The following MACROD2 variants were observed in gnomAD, a reference collection of about 807,000 sequenced individuals.
The protein encoded by MACROD2 is ADP-ribose glycohydrolase MACROD2.
MACROD2 carries 36 observed loss-of-function variants against 70.4 expected under a neutral mutation model. That is an observed-to-expected ratio of 0.51 (90% confidence interval 0.39 to 0.68). The LOEUF is 0.68. Ranked by LOEUF, MACROD2 falls within the 30% of genes least tolerant of loss-of-function variation. The pLI is 0.00. For missense variants in MACROD2, 496 were observed against 538.4 expected (o/e 0.92, Z 0.78); for synonymous variants, 172 against 178.8 (o/e 0.96, Z 0.30).
intron 12 of MACROD2, among the ~76,000 whole-genome samples, chr20:15,952,224 T>C (rs916772340): frequency 1.3e-5 from 2 of 152,136 alleles, no homozygotes; most frequent in Non-Finnish European, 2.9e-5. Flanking sequence ...TTCCCGGTCT[T>C]GAGTATGTCT....
chr20:15,197,157 C>A, intron 5 of MACROD2: 2 of 321,976 alleles, frequency 6.2e-6, no homozygotes, highest in Non-Finnish European at 8.9e-6. Flanking sequence ...TTTTAAGGTA[C>A]CTTTAATCTT....
In MACROD2 at chr20:15,358,444, A is replaced by AT. The variant is rs11479347; in HGVS notation, c.541-72951dup. Among the ~76,000 whole-genome samples the AT allele has an allele frequency of 1.6e-3, 240 of 151,246 alleles. 1 individual carries two copies. The highest frequency in any genetic ancestry group is 4.4e-3 in the African/African-American group (180 of 41,210). On this transcript the variant is annotated intron_variant, in intron 6 of 17. Coordinates refer to ENST00000684519, the MANE Select transcript of MACROD2 (RefSeq NM_001351661.2). ...CTGTTCCTGGACAAGTGTTTTATCA[A>AT]TTTTTTTTTTAAGTTTTTAACGTTT...
intron 5 of MACROD2, among the ~76,000 whole-genome samples, chr20:15,182,417 G>C (rs1039379541): frequency 6.6e-6 from 1 of 152,156 alleles, no homozygotes; most frequent in African/African-American, 2.4e-5. Context: ...ATGTAAAAAT[G>C]TGGGCCAGGA....
At chr20:15,156,414 CT>C (rs1485054204) in intron 5 of MACROD2, among the ~76,000 whole-genome samples, 4 of 152,264 alleles carry the variant, frequency 2.6e-5, no homozygotes, top group South Asian at 2.1e-4. Context: ...TGGTAATCCA[CT>C]TTTTTTCCCC....
chr20:15,896,175 AT>A (rs1206512483), intron 10 of MACROD2, among the ~76,000 whole-genome samples: 1 of 152,000 alleles, frequency 6.6e-6, no homozygotes, highest in Non-Finnish European at 1.5e-5. Flanking sequence ...GTCATTTCAT[AT>A]TTTTTTAGAA....
intron 5 of MACROD2, among the ~76,000 whole-genome samples, chr20:15,125,073 C>G (rs1168397339): frequency 6.6e-6 from 1 of 152,026 alleles, no homozygotes; most frequent in Admixed American, 6.6e-5. Flanking sequence ...CCACCTTTCA[C>G]TATTATACCG....
chr20:14,789,492 T>TTTTTTTTTTTTTG (rs2072422284), intron 5 of MACROD2, among the ~76,000 whole-genome samples: 1 of 139,304 alleles, frequency 7.2e-6, no homozygotes, highest in South Asian at 2.3e-4. Flanking sequence ...TTTTTTTTTT[T>TTTTTTTTTTTTTG]GAGATGGAGT....
intron 5 of MACROD2, among the ~76,000 whole-genome samples, chr20:14,750,181 C>T (rs2071851681): frequency 6.6e-6 from 1 of 151,890 alleles, no homozygotes; most frequent in African/African-American, 2.4e-5. Flanking sequence ...GTATATCTTA[C>T]AAAAATCTAG....
At chr20:14,748,672 C>T (rs2071830837) in intron 5 of MACROD2, among the ~76,000 whole-genome samples, 2 of 152,130 alleles carry the variant, frequency 1.3e-5, no homozygotes, top group Non-Finnish European at 2.9e-5. Flanking sequence ...AATTTGCCTA[C>T]TTCTATGTCA....
intron 4 of MACROD2, among the ~76,000 whole-genome samples, chr20:14,651,481 C>T (rs917246363): frequency 3.3e-5 from 5 of 152,142 alleles, no homozygotes; most frequent in Non-Finnish European, 7.4e-5. Context: ...GTGATCAAAG[C>T]CAAAGTAAAT....
intron 6 of MACROD2, among the ~76,000 whole-genome samples, chr20:15,417,607 A>T (rs571395584): frequency 6.8e-6 from 1 of 147,412 alleles, no homozygotes; most frequent in East Asian, 2.0e-4. Flanking sequence ...TCAAAAAAAA[A>T]AAAAAAAAAG....
chr20:15,361,183 T>C (rs1266389906), intron 6 of MACROD2, among the ~76,000 whole-genome samples: 1 of 152,214 alleles, frequency 6.6e-6, no homozygotes, highest in Admixed American at 6.5e-5. Context: ...AAAAATTTCA[T>C]AGTTTTATAT....
chr20:14,530,381 G>A (rs2085287937), intron 4 of MACROD2, among the ~76,000 whole-genome samples: 2 of 152,164 alleles, frequency 1.3e-5, no homozygotes, highest in South Asian at 4.1e-4. Flanking sequence ...GCCTGCAAAG[G>A]GATGGAGATT....
At chr20:16,002,153 C>G (rs1197741558) in intron 15 of MACROD2, among the ~76,000 whole-genome samples, 1 of 151,914 alleles carries the variant, frequency 6.6e-6, no homozygotes, top group African/African-American at 2.4e-5. Context: ...TTATCTCTGA[C>G]AATACAGGAA....
At chr20:14,821,705 T>C (rs1027876172) in intron 5 of MACROD2, among the ~76,000 whole-genome samples, 1 of 152,122 alleles carries the variant, frequency 6.6e-6, no homozygotes, top group African/African-American at 2.4e-5. Flanking sequence ...CCAAGAAGAT[T>C]CAGATGGCTT....
intron 5 of MACROD2, among the ~76,000 whole-genome samples, chr20:15,141,732 A>G (rs2076193906): frequency 6.6e-6 from 1 of 152,152 alleles, no homozygotes; most frequent in Non-Finnish European, 1.5e-5. Flanking sequence ...TGCTGCCAGA[A>G]GGATTTTCTT....
At chr20:15,725,208 G>A (rs146542435) in intron 8 of MACROD2, among the ~76,000 whole-genome samples, 260 of 152,258 alleles carry the variant, frequency 1.7e-3, no homozygotes, top group Non-Finnish European at 2.6e-3. Context: ...ACAATATTGA[G>A]TTTTTCTGTC....
intron 8 of MACROD2, among the ~76,000 whole-genome samples, chr20:15,586,384 AAC>A (rs1310901147): frequency 6.6e-6 from 1 of 152,232 alleles, no homozygotes; most frequent in Non-Finnish European, 1.5e-5. Flanking sequence ...AATCTCTTGA[AAC>A]ATGAAGCTTG....
At chr20:15,936,556 A>G (rs1289296250) in intron 11 of MACROD2, among the ~76,000 whole-genome samples, 1 of 149,816 alleles carries the variant, frequency 6.7e-6, no homozygotes, top group Non-Finnish European at 1.5e-5. Context: ...CTATAGTAAC[A>G]GGGTCATAGA....
Sources: allele counts gnomAD v4.1 joint callset (sites outside exome capture counted in the v4.1 genomes callset), GRCh38; gene constraint gnomAD v4.1.1; transcripts MANE v1.5; gene names NCBI Gene and HGNC (gene_info 2026-07-23, HGNC 2026-07-21).